Variants in MAP4K3 observed in about 807,000 individuals in gnomAD.
The protein encoded by MAP4K3 is MAPK/ERK kinase kinase kinase 3.
MAP4K3 carries 94 observed loss-of-function variants against 143.5 expected under a neutral mutation model. The observed-to-expected ratio is 0.65, with a 90% CI of 0.55 to 0.78. MAP4K3 has a LOEUF of 0.78. Ranked by LOEUF, MAP4K3 falls within the 30% of genes least tolerant of loss-of-function variation. The pLI, the probability that MAP4K3 is intolerant of heterozygous loss-of-function variation, is 0.00. For synonymous variants in MAP4K3, 416 were observed against 347.2 expected (o/e 1.20, Z -2.20); for missense variants, 1,077 against 1,068.1 (o/e 1.01, Z -0.12).
chr2:39,272,672 T>A (rs1681079968), intron 24 of MAP4K3, 130 bp from the exon 25 acceptor site: 1 of 670,154 alleles, frequency 1.5e-6, no homozygotes, highest in African/African-American at 1.8e-5. Context: ...TTAACATAAA[T>A]TAACTTTATC....
At chr2:39,257,149 C>A (rs1486327895) in intron 31 of MAP4K3, among the ~76,000 whole-genome samples, 1 of 152,190 alleles carries the variant, frequency 6.6e-6, no homozygotes, top group East Asian at 1.9e-4. Context: ...TGCTAATACA[C>A]ATACACGCAA....
At chr2:39,268,997 A>G (rs1265195769) in intron 26 of MAP4K3, among the ~76,000 whole-genome samples, 6 of 152,066 alleles carry the variant, frequency 3.9e-5, no homozygotes, top group Admixed American at 3.9e-4. Context: ...CTGAGGCTCA[A>G]GTAATCTGCC....
intron 4 of MAP4K3, among the ~76,000 whole-genome samples, chr2:39,338,850 A>G (rs1006499272): frequency 6.6e-6 from 1 of 152,224 alleles, no homozygotes; most frequent in Non-Finnish European, 1.5e-5. Flanking sequence ...GCACTCTATG[A>G]GAAATGGGTC....
At chr2:39,326,680 C>A (rs1194997917) in intron 8 of MAP4K3, among the ~76,000 whole-genome samples, 1 of 152,048 alleles carries the variant, frequency 6.6e-6, no homozygotes, top group Non-Finnish European at 1.5e-5. Context: ...GGCTCTGTGT[C>A]CCCACCCAAA....
intron 2 of MAP4K3, among the ~76,000 whole-genome samples, chr2:39,362,685 T>C (rs773244343): frequency 3.3e-5 from 5 of 152,078 alleles, no homozygotes; most frequent in South Asian, 2.1e-4. Flanking sequence ...CTTTCAGAAA[T>C]AGAAAAAACA....
intron 2 of MAP4K3, among the ~76,000 whole-genome samples, chr2:39,365,259 T>C (rs10865152): frequency 0.89 from 135,219 of 152,006 alleles, 60,351 homozygotes; most frequent in Non-Finnish European, 0.92. Flanking sequence ...TCAGCTGAGC[T>C]TGAATTCCAA....
At chr2:39,305,213 A>C (rs1378365281) in intron 15 of MAP4K3, among the ~76,000 whole-genome samples, 1 of 152,212 alleles carries the variant, frequency 6.6e-6, no homozygotes, top group African/African-American at 2.4e-5. Context: ...TAAATTTCGT[A>C]ATGTATATTT....
Position 39,420,183 on chromosome 2 carries a change from C to A in MAP4K3, c.96+16709G>T, listed in dbSNP as rs535633061. 1.3e-3 allele frequency among the ~76,000 whole-genome samples: 193 copies of A among 152,304 alleles called. 1 individual carries two copies. Among genetic ancestry groups the A allele is most frequent in the Non-Finnish European group, 2.1e-3 (143 of 68,026 alleles). On this transcript the variant is annotated intron_variant, in intron 1 of 33. Transcript: ENST00000263881. ...AGGACACACAGGTGTTGAAAGCAAA[C>A]GCTAAACAATCATGGGTAATCAATC...
intron 2 of MAP4K3, among the ~76,000 whole-genome samples, chr2:39,374,439 T>C (rs1451886802): frequency 3.3e-5 from 5 of 152,118 alleles, no homozygotes. Context: ...CCCAGCACTT[T>C]GGGAGGCAGA....
intron 1 of MAP4K3, among the ~76,000 whole-genome samples, chr2:39,422,252 G>A (rs182022448): frequency 6.6e-6 from 1 of 151,924 alleles, no homozygotes; most frequent in Non-Finnish European, 1.5e-5. Flanking sequence ...TTCTAATTAG[G>A]ATGCTTTACC....
intron 1 of MAP4K3, among the ~76,000 whole-genome samples, chr2:39,416,308 T>C (rs1284974250): frequency 6.6e-6 from 1 of 152,048 alleles, no homozygotes; most frequent in African/African-American, 2.4e-5. Flanking sequence ...GTTTCTGGCA[T>C]GTTAATAAAG....
chr2:39,379,893 GT>G (rs750361542), intron 1 of MAP4K3: 178 of 165,062 alleles, frequency 1.1e-3, no homozygotes, highest in Non-Finnish European at 2.0e-3. Flanking sequence ...GTTACACAGT[GT>G]TTGTCCAAAA....
At chr2:39,321,536 C>T (rs985936236) in intron 12 of MAP4K3, among the ~76,000 whole-genome samples, 26 of 152,024 alleles carry the variant, frequency 1.7e-4, no homozygotes, top group African/African-American at 5.1e-4. Context: ...AATATGGCCT[C>T]GTGGGAAGGG....
intron 2 of MAP4K3, among the ~76,000 whole-genome samples, chr2:39,360,064 T>C (rs1665722878): frequency 6.6e-6 from 1 of 152,268 alleles, no homozygotes; most frequent in Non-Finnish European, 1.5e-5. Flanking sequence ...TGAGGTTTTC[T>C]TTTCTATCGC....
In MAP4K3 at chr2:39,343,407, A is replaced by C; in HGVS notation, c.291T>G (p.Ser97=). 1 of 1,613,166 alleles carries C rather than the reference A, an allele frequency of 6.2e-7. No homozygotes were observed. The highest frequency in any genetic ancestry group is 1.7e-4 in the Middle Eastern group (1 of 6,054). Residue 97 remains serine (S), a synonymous_variant, in exon 4 of 34, where the codon TCT becomes TCG. Coordinates refer to ENST00000263881, the MANE Select transcript of MAP4K3 (RefSeq NM_003618.4). The part of the protein sequence containing the change: ...WICMEFCGGG[S]LQDIYHVTGP... ...TCTTACCGTGATAAATATCCTGTAA[A>C]GAACCACCTCCACAAAACTCCATGC...
chr2:39,290,792 C>T (rs753359089), intron 18 of MAP4K3, among the ~76,000 whole-genome samples: 5 of 152,104 alleles, frequency 3.3e-5, no homozygotes, highest in East Asian at 1.9e-4. Flanking sequence ...AATAACGGGC[C>T]GGGCGTGGTG....
At chr2:39,258,733 T>G in intron 29 of MAP4K3, 146 bp from the exon 30 acceptor site, 1 of 667,040 alleles carries the variant, frequency 1.5e-6, no homozygotes, top group Non-Finnish European at 2.7e-6. Context: ...GCCAGGCTAG[T>G]GGGTTTAAAT....
At chr2:39,431,428 GTTTTGTTTTC>G (rs1665283676) in intron 1 of MAP4K3, among the ~76,000 whole-genome samples, 3 of 152,088 alleles carry the variant, frequency 2.0e-5, no homozygotes, top group Admixed American at 1.3e-4. Context: ...TTTAATTCTA[GTTTTGTTTTC>G]TTAATGAGGG....
At chr2:39,304,858 G>A (rs1682641718) in intron 15 of MAP4K3, among the ~76,000 whole-genome samples, 1 of 152,188 alleles carries the variant, frequency 6.6e-6, no homozygotes, top group Admixed American at 6.5e-5. Flanking sequence ...TACATGCAAT[G>A]GAGTATTATT....
Sources: allele counts gnomAD v4.1 joint callset (sites outside exome capture counted in the v4.1 genomes callset), GRCh38; gene constraint gnomAD v4.1.1; transcripts MANE v1.5; gene names NCBI Gene and HGNC (gene_info 2026-07-23, HGNC 2026-07-21).